Variants in WRN observed in about 807,000 individuals in gnomAD.
WRN encodes bifunctional 3'-5' exonuclease/ATP-dependent helicase WRN.
Under a neutral mutation model 180.7 loss-of-function variants are expected in WRN, and 149 were observed. The ratio of observed to expected loss-of-function variants is 0.82; its 90% CI spans 0.72 to 0.94. WRN has a LOEUF of 0.94. Ranked by LOEUF, WRN falls within the 40% of genes least tolerant of loss-of-function variation. The pLI is 0.00. For synonymous variants in WRN, 548 were observed against 568.9 expected (o/e 0.96, Z 0.52); for missense variants, 1,661 against 1,700.1 (o/e 0.98, Z 0.40).
In WRN at chr8:31,173,708, AC is replaced by A. The variant is rs1328898356; in HGVS notation, c.*607del. On this transcript the variant is annotated 3_prime_UTR_variant, in exon 35 of 35. Coordinates refer to ENST00000298139, the MANE Select transcript of WRN (RefSeq NM_000553.6). Reference sequence around the variant, plus strand: ...CAAGTGTATATTTTGTATTTTATATACAATTTCTATTATTTTTCAAGTAATA... The same window carrying A: ...CAAGTGTATATTTTGTATTTTATATAAATTTCTATTATTTTTCAAGTAATA... The A allele has an allele frequency of 2.5e-5, 4 of 161,540 alleles. No individual in the cohort carries two copies. Among genetic ancestry groups the A allele is most frequent in the Non-Finnish European group, 5.4e-5 (4 of 73,976 alleles). The allele number at this position is 161,540 out of a possible 1,614,324, so 10.0% of individuals were successfully genotyped here. A position where few individuals can be genotyped will look rare whatever the true frequency, so the allele number is the denominator to read the frequency against.
At chr8:31,116,624 T>C in intron 20 of WRN, 96 bp downstream of exon 20, 4 of 1,529,506 alleles carry the variant, frequency 2.6e-6, no homozygotes, top group Non-Finnish European at 1.8e-6. Flanking sequence ...ATACTTTCTT[T>C]GTGTTGAACA....
chr8:31,147,103 T>A lies in WRN; in HGVS notation c.3434T>A (p.Ile1145Asn). Residue 1145 changes from isoleucine (I) to asparagine (N), a missense_variant, in exon 29 of 35, where the codon ATT becomes AAT. This residue lies in a region of WRN where 1,141 missense variants were observed against 1,149.4 expected (regional missense o/e 0.99). Transcript: ENST00000298139. ...GCTTACAGTTCCTCACAGCCTGTTA[T>A]TTCGGCACAAGAGCAGGAGACTCAG... is the stretch of plus-strand genomic sequence containing the variant. ...EKAYSSSQPV[I>N]SAQEQETQIV... The A allele has an allele frequency of 1.2e-6, 2 of 1,613,938 alleles. No individual in the cohort carries two copies. Among genetic ancestry groups the A allele is most frequent in the Non-Finnish European group, 1.7e-6 (2 of 1,179,870 alleles).
chr8:31,153,292 A>G (rs1803214521), intron 31 of WRN, among the ~76,000 whole-genome samples: 1 of 152,314 alleles, frequency 6.6e-6, no homozygotes, highest in African/African-American at 2.4e-5. Context: ...AAGACACATT[A>G]GACTTTTGAG....
At position 31,124,282 on chromosome 8, in the gene WRN, GGAA is replaced by G. The variant is rs370481072; in HGVS notation, c.2631-236_2631-234del. On this transcript the variant is annotated intron_variant, in intron 21 of 34. Transcript: ENST00000298139. Reference sequence around the variant, plus strand: ...GCTAAAGAATTGATACTTGGACACAGGAAGAATTTTTTTTCAAAAGCAATTTTT... The same window carrying G: ...GCTAAAGAATTGATACTTGGACACAGGAATTTTTTTTCAAAAGCAATTTTT... Among the ~76,000 whole-genome samples the G allele has an allele frequency of 4.6e-3, 694 of 152,038 alleles. 6 individuals are homozygous for G. The highest frequency in any genetic ancestry group is 0.031 in the Middle Eastern group (9 of 294).
chr8:31,070,226 C>CCCTT (rs1244342006), intron 7 of WRN, among the ~76,000 whole-genome samples: 1 of 151,498 alleles, frequency 6.6e-6, no homozygotes, highest in Non-Finnish European at 1.5e-5. Flanking sequence ...CTTCCTTCCT[C>CCCTT]CCTTCCTTCC....
At chr8:31,063,922 G>GT (rs1200285001) in intron 3 of WRN, among the ~76,000 whole-genome samples, 2 of 151,608 alleles carry the variant, frequency 1.3e-5, no homozygotes, top group Admixed American at 6.6e-5. Context: ...GAGACATGCT[G>GT]TGTTGCACAG....
intron 11 of WRN, among the ~76,000 whole-genome samples, chr8:31,087,352 A>C (rs2130152171): frequency 6.6e-6 from 1 of 152,360 alleles, no homozygotes; most frequent in Non-Finnish European, 1.5e-5. Context: ...GTTTGCTCAT[A>C]GTTTCAGCCT....
intron 18 of WRN, among the ~76,000 whole-genome samples, chr8:31,102,460 A>G (rs1439234646): frequency 6.6e-6 from 1 of 152,218 alleles, no homozygotes; most frequent in Admixed American, 6.5e-5. Flanking sequence ...ACAAACCTAC[A>G]TGATAAAGCT....
chr8:31,169,253 T>C (rs17574622), intron 34 of WRN, among the ~76,000 whole-genome samples: 2,840 of 151,678 alleles, frequency 0.019, 161 homozygotes, highest in Admixed American at 0.12. Context: ...CATAATTGTA[T>C]TTATTTCTGT....
At chr8:31,112,797 A>G (rs970949726) in intron 19 of WRN, among the ~76,000 whole-genome samples, 1 of 152,096 alleles carries the variant, frequency 6.6e-6, no homozygotes, top group Non-Finnish European at 1.5e-5. Flanking sequence ...CATGGTGGCC[A>G]GGCTGATCTC....
In WRN at chr8:31,173,583, A is replaced by G; in HGVS notation, c.*481A>G. The stretch of plus-strand genomic sequence containing the variant: ...GTTCTTAAATACGTTGTTAAATGGT[A>G]TTAGTTGACCAGGGCAGTGAAAATG... On this transcript the variant is annotated 3_prime_UTR_variant, in exon 35 of 35. Transcript: ENST00000298139. The G allele has an allele frequency of 5.6e-6, 1 of 178,186 alleles. No individual in the cohort carries two copies. Among genetic ancestry groups the G allele is most frequent in the East Asian group, 1.0e-4 (1 of 9,606 alleles). 11.0% of individuals were successfully genotyped at this position (178,186 alleles called of 1,614,324 possible). A position where few individuals can be genotyped will look rare whatever the true frequency, so the allele number is the denominator to read the frequency against.
chr8:31,162,154 G>C (rs1228219089), intron 33 of WRN, among the ~76,000 whole-genome samples: 2 of 152,074 alleles, frequency 1.3e-5, no homozygotes, highest in Non-Finnish European at 2.9e-5. Context: ...TCTTCTTTAT[G>C]AATTAAAATC....
At position 31,132,486 on chromosome 8, in the gene WRN, A is replaced by G. The variant is rs532588948; in HGVS notation, c.2947A>G (p.Ile983Val). Residue 983 changes from isoleucine (I) to valine (V), a missense_variant, in exon 24 of 35, where the codon ATT becomes GTT. Ile to Val is a conservative substitution (Grantham distance 29). This residue lies in a region of WRN where 1,141 missense variants were observed against 1,149.4 expected (regional missense o/e 0.99). Transcript: ENST00000298139. Reference protein sequence around the residue: ...LGEKFGIGLPILFLRGSNSQR... With the variant: ...LGEKFGIGLPVLFLRGSNSQR... ...CGAAAAATTTGGAATTGGGCTTCCA[A>G]TTTTATTTCTCCGAGGATCTGTAAG... is the stretch of plus-strand genomic sequence containing the variant. 93 of 1,614,106 alleles carry G rather than the reference A, an allele frequency of 5.8e-5. 1 individual carries two copies. The highest frequency in any genetic ancestry group is 7.7e-5 in the Non-Finnish European group (91 of 1,180,002).
intron 5 of WRN, among the ~76,000 whole-genome samples, chr8:31,065,336 C>G (rs865842474): frequency 6.6e-6 from 1 of 152,044 alleles, no homozygotes; most frequent in African/African-American, 2.4e-5. Context: ...TTTTATCACC[C>G]GGGTATTAAG....
chr8:31,087,751 T>C, intron 11 of WRN, 25 bp from the exon 12 acceptor site: 1 of 1,609,428 alleles, frequency 6.2e-7, no homozygotes. Flanking sequence ...TGGTTTTGCT[T>C]TTAAGATTTC....
chr8:31,141,651 A>G (rs1242729588), intron 25 of WRN, 30 bp from the exon 26 acceptor site: 2 of 1,613,930 alleles, frequency 1.2e-6, no homozygotes, highest in Admixed American at 1.7e-5. Context: ...TTCCCACTCC[A>G]CATTAAAAGA....
chr8:31,062,263 C>T (rs1212629233), intron 3 of WRN, among the ~76,000 whole-genome samples: 1 of 151,988 alleles, frequency 6.6e-6, no homozygotes, highest in East Asian at 1.9e-4. Context: ...ATCATGTTGG[C>T]CTGAAGCAGA....
chr8:31,124,069 T>C (rs1197396834), intron 21 of WRN, among the ~76,000 whole-genome samples: 1 of 152,072 alleles, frequency 6.6e-6, no homozygotes, highest in East Asian at 1.9e-4. Context: ...AGGTTCAAAT[T>C]TGAGCTTCTT....
rs1206089232 is a variant in WRN at position 31,130,022 on chromosome 8, A to AC, written c.2826-2343_2826-2342insC. On this transcript the variant is annotated intron_variant, in intron 23 of 34. Coordinates refer to ENST00000298139, the MANE Select transcript of WRN (RefSeq NM_000553.6). ...CTTGTCTCAAAAAAAAAACAAAACAAAACAAAAAAAAAAACTAGTAAGAGG... is the reference window on the plus strand; with the variant it reads ...CTTGTCTCAAAAAAAAAACAAAACAACAACAAAAAAAAAAACTAGTAAGAGG... Among the ~76,000 whole-genome samples, 81 of 143,068 alleles carry AC rather than the reference A, an allele frequency of 5.7e-4. 2 individuals are homozygous for AC. Among genetic ancestry groups the AC allele is most frequent in the African/African-American group, 2.1e-3 (76 of 35,440 alleles). The allele number at this position is 143,068 out of a possible 152,430, so 93.9% of individuals were successfully genotyped here. A position where few individuals can be genotyped will look rare whatever the true frequency, so the allele number is the denominator to read the frequency against.
Sources: gnomAD v4.1 joint callset for allele counts (sites outside exome capture counted in the v4.1 genomes callset) on GRCh38, gnomAD v4.1.1 for gene constraint, gnomAD v4.1.1 regional missense constraint, MANE v1.5 for transcripts, NCBI Gene and HGNC (gene_info 2026-07-23, HGNC 2026-07-21) for gene names.